The following MSRB3 variants were observed in gnomAD, a reference collection of about 807,000 sequenced individuals.
MSRB3 encodes the protein methionine sulfoxide reductase B3.
Under a neutral mutation model 21.0 loss-of-function variants are expected in MSRB3, and 13 were observed. The observed-to-expected ratio is 0.62, with a 90% CI of 0.40 to 0.98. MSRB3 has a LOEUF of 0.98. Among genes scored for constraint, MSRB3 ranks in the 50% least tolerant of loss-of-function variants. The pLI is 0.00. For synonymous variants in MSRB3, 87 were observed against 88.6 expected, an observed-to-expected ratio of 0.98 and a Z score of 0.10; for missense variants, 199 against 230.3, an observed-to-expected ratio of 0.86 and a Z score of 0.88.
intron 2 of MSRB3, among the ~76,000 whole-genome samples, chr12:65,313,335 T>C (rs1213487340): frequency 6.6e-6 from 1 of 152,124 alleles, no homozygotes; most frequent in Non-Finnish European, 1.5e-5. Context: ...ATAGAACTGA[T>C]GTACTTAAAA....
At chr12:65,295,225 T>A (rs1223619089) in intron 1 of MSRB3, among the ~76,000 whole-genome samples, 1 of 152,196 alleles carries the variant, frequency 6.6e-6, no homozygotes, top group African/African-American at 2.4e-5. Flanking sequence ...CTTACCTAAG[T>A]ATTAAATTGA....
intron 6 of MSRB3, among the ~76,000 whole-genome samples, chr12:65,456,142 C>A (rs1007337105): frequency 6.6e-6 from 1 of 152,178 alleles, no homozygotes; most frequent in Non-Finnish European, 1.5e-5. Flanking sequence ...AACTTAGGTA[C>A]ACAGTATTTA....
At chr12:65,326,240 T>C (rs1490567990) in intron 2 of MSRB3, among the ~76,000 whole-genome samples, 1 of 152,186 alleles carries the variant, frequency 6.6e-6, no homozygotes, top group Non-Finnish European at 1.5e-5. Context: ...AGAATCTTTA[T>C]ACTTTGAAGG....
chr12:65,342,262 A>G (rs1484072727), intron 4 of MSRB3, among the ~76,000 whole-genome samples: 1 of 151,890 alleles, frequency 6.6e-6, no homozygotes, highest in Non-Finnish European at 1.5e-5. Context: ...TATGCAATCC[A>G]TTTGATGGAC....
Position 65,466,275 on chromosome 12 carries a change from G to A in MSRB3, c.*2953G>A, listed in dbSNP as rs775891494. The A allele has an allele frequency of 3.3e-5, 5 of 152,152 alleles. No homozygotes were observed. Among genetic ancestry groups the A allele is most frequent in the African/African-American group, 7.2e-5 (3 of 41,424 alleles). 9.4% of individuals were successfully genotyped at this position (152,152 alleles called of 1,614,324 possible). On this transcript the variant is annotated 3_prime_UTR_variant, in exon 7 of 7. Coordinates refer to ENST00000308259, the MANE Select transcript of MSRB3 (RefSeq NM_001031679.3). The stretch of plus-strand genomic sequence containing the variant: ...AATTCCAGATTGCTTTTGGGTTTAA[G>A]TGGTATCAAATTTCAGTATATTTCT...
At chr12:65,437,795 T>C (rs559599142) in intron 5 of MSRB3, among the ~76,000 whole-genome samples, 34 of 151,998 alleles carry the variant, frequency 2.2e-4, no homozygotes, top group Non-Finnish European at 2.4e-4. Context: ...TTGATTTCAG[T>C]TGGACAGATG....
chr12:65,342,132 A>G (rs1231349309), intron 4 of MSRB3, among the ~76,000 whole-genome samples: 1 of 151,962 alleles, frequency 6.6e-6, no homozygotes, highest in Non-Finnish European at 1.5e-5. Context: ...AAATAAAAAG[A>G]TAAAAGACAT....
rs181547446 is a variant in MSRB3, at chr12:65,452,229, A to G, written c.293-1499A>G. Among the ~76,000 whole-genome samples, 38 of 152,302 alleles carry G rather than the reference A, an allele frequency of 2.5e-4. No individual in the cohort carries two copies. The South Asian group carries it at 3.9e-3, about 16-fold the overall frequency. ...ACAATATCAGTTGCCTTAAATTGCA[A>G]TTAAATGAGTTATGCCCTTGAAGGT... is the stretch of plus-strand genomic sequence containing the variant. On this transcript the variant is annotated intron_variant, in intron 5 of 6. Coordinates refer to ENST00000308259, the MANE Select transcript of MSRB3 (RefSeq NM_001031679.3).
chr12:65,282,519 A>T (rs1489460387), intron 1 of MSRB3, among the ~76,000 whole-genome samples: 1 of 152,180 alleles, frequency 6.6e-6, no homozygotes, highest in Non-Finnish European at 1.5e-5. Context: ...CAGTAACAGA[A>T]ATGAACTAGT....
chr12:65,444,468 A>C (rs1882524620), intron 5 of MSRB3, among the ~76,000 whole-genome samples: 1 of 152,184 alleles, frequency 6.6e-6, no homozygotes, highest in Non-Finnish European at 1.5e-5. Context: ...AACATGTCTA[A>C]ATATTTTTAT....
intron 4 of MSRB3, among the ~76,000 whole-genome samples, chr12:65,332,540 A>G (rs1875497097): frequency 6.6e-6 from 1 of 152,178 alleles, no homozygotes; most frequent in Non-Finnish European, 1.5e-5. Context: ...AATGTAAATG[A>G]CAAGTTAATG....
At position 65,409,820 on chromosome 12, in the gene MSRB3, G is replaced by T. The variant is rs1414421728; in HGVS notation, c.292+40794G>T. Among the ~76,000 whole-genome samples the T allele has an allele frequency of 3.9e-5, 6 of 152,140 alleles. No individual in the cohort carries two copies. In the South Asian group the frequency reaches 6.2e-4, roughly 16 times the overall value. ...GTTCCTTAGTAAGTCATCTACTTGA[G>T]CTTTATATTCTGATTTTTAAGAAAC... On this transcript the variant is annotated intron_variant, in intron 5 of 6. Coordinates refer to ENST00000308259, the MANE Select transcript of MSRB3 (RefSeq NM_001031679.3).
chr12:65,328,838 A>G (rs1340265801), intron 4 of MSRB3, among the ~76,000 whole-genome samples: 2 of 152,228 alleles, frequency 1.3e-5, no homozygotes, highest in African/African-American at 2.4e-5. Context: ...TAACTTGTTC[A>G]TGTCAGTAAC....
intron 5 of MSRB3, among the ~76,000 whole-genome samples, chr12:65,390,933 C>T (rs1879451717): frequency 6.6e-6 from 1 of 151,960 alleles, no homozygotes; most frequent in Non-Finnish European, 1.5e-5. Flanking sequence ...ATCCTTCTAC[C>T]CCCACTGTCT....
chr12:65,411,530 A>G (rs1197719999), intron 5 of MSRB3, among the ~76,000 whole-genome samples: 3 of 152,122 alleles, frequency 2.0e-5, no homozygotes, highest in South Asian at 2.1e-4. Flanking sequence ...AATAATCACC[A>G]TATCTTTATG....
intron 5 of MSRB3, among the ~76,000 whole-genome samples, chr12:65,428,197 T>C (rs1414368287): frequency 1.3e-5 from 2 of 152,216 alleles, no homozygotes; most frequent in African/African-American, 4.8e-5. Context: ...AGGACCATGG[T>C]GGTTTTCACC....
chr12:65,459,237 T>G (rs1029912691), intron 6 of MSRB3, among the ~76,000 whole-genome samples: 1 of 152,214 alleles, frequency 6.6e-6, no homozygotes. Context: ...ATTATTAATT[T>G]GTTCTAAGTC....
At chr12:65,372,709 A>G (rs1023195623) in intron 5 of MSRB3, among the ~76,000 whole-genome samples, 1 of 152,222 alleles carries the variant, frequency 6.6e-6, no homozygotes, top group African/African-American at 2.4e-5. Context: ...TGAAAGCCAT[A>G]TATCAAATTT....
intron 5 of MSRB3, among the ~76,000 whole-genome samples, chr12:65,422,387 A>AATATATATATATAT (rs1565884963): frequency 1.1e-5 from 1 of 88,134 alleles, no homozygotes; most frequent in South Asian, 4.4e-4. Flanking sequence ...GGGAGTACAT[A>AATATATATATATAT]GTATATATAT....
Sources: gnomAD v4.1 joint callset for allele counts (sites outside exome capture counted in the v4.1 genomes callset) on GRCh38, gnomAD v4.1.1 for gene constraint, MANE v1.5 for transcripts, NCBI Gene and HGNC (gene_info 2026-07-23, HGNC 2026-07-21) for gene names.